The following MAST4 variants were observed in gnomAD, a reference collection of about 807,000 sequenced individuals.
MAST4 encodes microtubule-associated serine/threonine-protein kinase 4.
MAST4 carries 89 observed loss-of-function variants against 162.7 expected under a neutral mutation model. That is an observed-to-expected ratio of 0.55 (90% confidence interval 0.46 to 0.65). MAST4 has a LOEUF of 0.65. MAST4 is among the 30% of genes least tolerant of loss of function. MAST4 has a pLI of 0.00. For missense variants in MAST4, 3,153 were observed against 3,374.0 expected (o/e 0.93, Z 1.62); for synonymous variants, 1,479 against 1,361.1 (o/e 1.09, Z -1.91).
At chr5:66,776,836 C>T (rs1489816272) in intron 2 of MAST4, among the ~76,000 whole-genome samples, 3 of 152,132 alleles carry the variant, frequency 2.0e-5, no homozygotes, top group African/African-American at 7.2e-5. Context: ...ATAAATGGCA[C>T]TCTGTACATG....
At chr5:66,708,780 C>T (rs886486536) in intron 1 of MAST4, among the ~76,000 whole-genome samples, 2 of 152,166 alleles carry the variant, frequency 1.3e-5, no homozygotes, top group Admixed American at 1.3e-4. Context: ...AGTGGAGTTT[C>T]AGTTTTCCAT....
At chr5:66,663,175 A>G (rs1747018160) in intron 1 of MAST4, among the ~76,000 whole-genome samples, 1 of 151,998 alleles carries the variant, frequency 6.6e-6, no homozygotes, top group Non-Finnish European at 1.5e-5. Flanking sequence ...AGGATTGTAT[A>G]TTTGTGCTTA....
intron 3 of MAST4, among the ~76,000 whole-genome samples, chr5:66,807,674 C>A (rs1756265371): frequency 6.6e-6 from 1 of 152,122 alleles, no homozygotes; most frequent in South Asian, 2.1e-4. Context: ...ACTTTCCCTG[C>A]ATAGAGGAAT....
At chr5:66,759,624 G>A (rs1487811415) in intron 1 of MAST4, 85 bp from the exon 2 acceptor site, 5 of 1,498,784 alleles carry the variant, frequency 3.3e-6, no homozygotes, top group Admixed American at 1.9e-5. Context: ...GGAAAAGAAA[G>A]GAAGAAAAAG....
At chr5:66,874,539 G>T (rs1475393022) in intron 3 of MAST4, among the ~76,000 whole-genome samples, 1 of 152,140 alleles carries the variant, frequency 6.6e-6, no homozygotes, top group Non-Finnish European at 1.5e-5. Flanking sequence ...AGCAAATAGT[G>T]GTAGGCATAG....
At chr5:66,633,002 GGTA>G (rs1471111128) in intron 1 of MAST4, among the ~76,000 whole-genome samples, 9 of 151,396 alleles carry the variant, frequency 5.9e-5, no homozygotes, top group African/African-American at 1.9e-4. Context: ...TTAATTTTCT[GGTA>G]GTCTATTCAA....
At chr5:66,736,463 A>G (rs2149564241) in intron 1 of MAST4, among the ~76,000 whole-genome samples, 1 of 152,216 alleles carries the variant, frequency 6.6e-6, no homozygotes, top group Non-Finnish European at 1.5e-5. Flanking sequence ...AAAATAGCAA[A>G]TTACCCAGAG....
intron 13 of MAST4, 77 bp downstream of exon 13, chr5:67,118,826 T>C: frequency 2.4e-6 from 2 of 829,360 alleles, no homozygotes; most frequent in Non-Finnish European, 2.0e-6. Flanking sequence ...GTTAGTTTAT[T>C]TGTTCAACAA....
At chr5:67,108,222 A>G (rs1398440022) in intron 10 of MAST4, among the ~76,000 whole-genome samples, 1 of 152,226 alleles carries the variant, frequency 6.6e-6, no homozygotes, top group Admixed American at 6.5e-5. Context: ...TTCTCTTTGA[A>G]GAGACAATCC....
intron 4 of MAST4, among the ~76,000 whole-genome samples, chr5:66,974,160 G>T (rs540680194): frequency 6.6e-6 from 1 of 152,244 alleles, no homozygotes; most frequent in South Asian, 2.1e-4. Context: ...ACTGCTTCAT[G>T]ATGTTTCTTA....
At chr5:67,005,479 C>T (rs913138206) in intron 4 of MAST4, among the ~76,000 whole-genome samples, 1 of 152,170 alleles carries the variant, frequency 6.6e-6, no homozygotes, top group African/African-American at 2.4e-5. Context: ...AGATGTTCCT[C>T]TCTATTAAAT....
chr5:66,710,078 A>G (rs766982877), intron 1 of MAST4, among the ~76,000 whole-genome samples: 1 of 152,188 alleles, frequency 6.6e-6, no homozygotes, highest in Non-Finnish European at 1.5e-5. Flanking sequence ...GGCCCTTGCC[A>G]TCTTTGGAGT....
At chr5:66,780,616 G>A (rs895028046) in intron 2 of MAST4, among the ~76,000 whole-genome samples, 101 of 152,166 alleles carry the variant, frequency 6.6e-4, no homozygotes, top group Non-Finnish European at 1.3e-4. Flanking sequence ...GTGTGAAAAG[G>A]GACCCAAGCA....
intron 4 of MAST4, among the ~76,000 whole-genome samples, chr5:67,040,877 ACTGC>A (rs1159237044): frequency 2.6e-5 from 4 of 152,208 alleles, no homozygotes; most frequent in Non-Finnish European, 5.9e-5. Flanking sequence ...CTGAAGGCAG[ACTGC>A]CTGGGTTTAG....
At chr5:66,706,478 G>A (rs1311183523) in intron 1 of MAST4, among the ~76,000 whole-genome samples, 1 of 151,752 alleles carries the variant, frequency 6.6e-6, no homozygotes, top group Non-Finnish European at 1.5e-5. Context: ...TATCCTATAT[G>A]TTCTTTTAAG....
intron 3 of MAST4, among the ~76,000 whole-genome samples, chr5:66,840,539 G>C (rs951902078): frequency 3.1e-5 from 3 of 97,570 alleles, no homozygotes; most frequent in African/African-American, 1.2e-4. Flanking sequence ...TCCTGTAATA[G>C]ACATGTACAT....
intron 3 of MAST4, among the ~76,000 whole-genome samples, chr5:66,841,386 G>A (rs1335550742): frequency 3.3e-5 from 5 of 152,122 alleles, no homozygotes; most frequent in Admixed American, 2.0e-4. Context: ...CTCTACCAAT[G>A]GTAGGCAAAT....
At chr5:67,138,264 T>C (rs571948290) in intron 19 of MAST4, among the ~76,000 whole-genome samples, 1 of 152,350 alleles carries the variant, frequency 6.6e-6, no homozygotes, top group South Asian at 2.1e-4. Flanking sequence ...TTTTAAAACA[T>C]TTCCTCCAGA....
intron 4 of MAST4, among the ~76,000 whole-genome samples, chr5:66,951,636 G>GTGTGTA (rs1554072468): frequency 2.8e-5 from 4 of 145,280 alleles, no homozygotes. Context: ...GTGTGTGTGT[G>GTGTGTA]TGTGTGTGTG....
Sources: allele counts gnomAD v4.1 joint callset (sites outside exome capture counted in the v4.1 genomes callset), GRCh38; gene constraint gnomAD v4.1.1; transcripts MANE v1.5; gene names NCBI Gene and HGNC (gene_info 2026-07-23, HGNC 2026-07-21).